The following GRIP1 variants were observed in gnomAD, a reference collection of about 807,000 sequenced individuals.
GRIP1 encodes glutamate receptor interacting protein 1.
A neutral mutation model predicts 129.9 loss-of-function variants in GRIP1; 45 were observed. The observed-to-expected ratio is 0.35, with a 90% CI of 0.27 to 0.44. The LOEUF (loss-of-function observed/expected upper bound fraction) is 0.44, where lower values mean the gene tolerates loss of function less well. Ranked by LOEUF, GRIP1 falls within the 20% of genes least tolerant of loss-of-function variation. GRIP1 has a pLI of 1.00. For missense variants in GRIP1, 1,196 were observed against 1,396.8 expected, an observed-to-expected ratio of 0.86 and a Z score of 2.29; for synonymous variants, 530 against 520.8, an observed-to-expected ratio of 1.02 and a Z score of -0.24.
At chr12:66,778,571 C>G (rs1335923969) in intron 1 of GRIP1, among the ~76,000 whole-genome samples, 2 of 152,106 alleles carry the variant, frequency 1.3e-5, no homozygotes, top group African/African-American at 2.4e-5. Flanking sequence ...ACCAAGCAAG[C>G]AGTAAGACAG....
chr12:66,846,464 C>G (rs1359113454), intron 1 of GRIP1, among the ~76,000 whole-genome samples: 1 of 152,190 alleles, frequency 6.6e-6, no homozygotes, highest in Non-Finnish European at 1.5e-5. Context: ...ATTTCTGCAT[C>G]CACCAGTTTC....
chr12:66,901,925 C>A (rs773647757), intron 1 of GRIP1, among the ~76,000 whole-genome samples: 3 of 152,188 alleles, frequency 2.0e-5, no homozygotes, highest in Non-Finnish European at 2.9e-5. Context: ...AATTATAATG[C>A]ATTCAGCAAC....
intron 1 of GRIP1, among the ~76,000 whole-genome samples, chr12:66,975,415 T>C (rs546556062): frequency 2.2e-3 from 329 of 152,298 alleles, no homozygotes; most frequent in Non-Finnish European, 2.6e-3. Flanking sequence ...GTATATGCAA[T>C]TACAAATGCA....
chr12:67,027,318 A>ACACC (rs1176634370), intron 1 of GRIP1, among the ~76,000 whole-genome samples: 5 of 152,196 alleles, frequency 3.3e-5, no homozygotes, highest in Admixed American at 1.3e-4. Flanking sequence ...TCCTATCACC[A>ACACC]CACGTGGTCA....
chr12:66,405,715 C>T (rs2057166756), intron 16 of GRIP1, among the ~76,000 whole-genome samples: 2 of 151,944 alleles, frequency 1.3e-5, no homozygotes, highest in Middle Eastern at 6.8e-3. Context: ...CATCCTGCTT[C>T]TAGGAATATT....
At chr12:66,538,963 G>T in intron 4 of GRIP1, 115 bp downstream of exon 4, 1 of 827,960 alleles carries the variant, frequency 1.2e-6, no homozygotes, top group Non-Finnish European at 2.0e-6. Flanking sequence ...TCATAAGTAT[G>T]TATGTATAGA....
At chr12:66,613,515 A>T (rs1383299338) in intron 1 of GRIP1, among the ~76,000 whole-genome samples, 1 of 152,218 alleles carries the variant, frequency 6.6e-6, no homozygotes, top group Non-Finnish European at 1.5e-5. Flanking sequence ...TACAATCTTT[A>T]CATAATAAGT....
intron 1 of GRIP1, among the ~76,000 whole-genome samples, chr12:66,640,320 T>C (rs1266138364): frequency 2.1e-4 from 32 of 152,200 alleles, no homozygotes. Context: ...CACATATTAG[T>C]TGCTGAATAA....
chr12:66,830,493 T>A (rs957793945), intron 1 of GRIP1, among the ~76,000 whole-genome samples: 1 of 152,100 alleles, frequency 6.6e-6, no homozygotes, highest in African/African-American at 2.4e-5. Flanking sequence ...GCAGGCAGCC[T>A]GGAAAAGCTG....
chr12:67,051,355 C>T (rs1215971174), intron 1 of GRIP1, among the ~76,000 whole-genome samples: 2 of 148,596 alleles, frequency 1.3e-5, no homozygotes, highest in Non-Finnish European at 3.0e-5. Context: ...TTTTAATGTC[C>T]ACTATGATAG....
At chr12:66,815,215 G>C (rs1223905688) in intron 1 of GRIP1, among the ~76,000 whole-genome samples, 1 of 152,150 alleles carries the variant, frequency 6.6e-6, no homozygotes, top group Non-Finnish European at 1.5e-5. Context: ...ATCTCATGAC[G>C]AGGTAGCACA....
At chr12:66,723,284 C>CTTCCT in intron 1 of GRIP1, among the ~76,000 whole-genome samples, 1 of 19,134 alleles carries the variant, frequency 5.2e-5, no homozygotes, top group Non-Finnish European at 7.6e-5. Context: ...TCCTTCCTTC[C>CTTCCT]TTTCTTTCTT....
intron 1 of GRIP1, among the ~76,000 whole-genome samples, chr12:66,845,175 G>T (rs534118680): frequency 4.6e-5 from 7 of 152,112 alleles, no homozygotes; most frequent in Non-Finnish European, 7.4e-5. Context: ...TCAATATAGG[G>T]TCTGGGCATG....
At chr12:66,568,615 C>T (rs143966510) in intron 2 of GRIP1, 100 of 184,898 alleles carry the variant, frequency 5.4e-4, no homozygotes, top group African/African-American at 1.6e-3. Context: ...TCAAGATTGA[C>T]GCAGATTCAG....
intron 1 of GRIP1, among the ~76,000 whole-genome samples, chr12:66,936,566 C>G (rs529432349): frequency 1.3e-3 from 205 of 152,114 alleles, no homozygotes; most frequent in African/African-American, 4.8e-3. Flanking sequence ...GCCCTAAGCA[C>G]AGTGCTTTCC....
At chr12:66,417,207 T>C (rs1051356522) in intron 15 of GRIP1, among the ~76,000 whole-genome samples, 1 of 152,122 alleles carries the variant, frequency 6.6e-6, no homozygotes, top group African/African-American at 2.4e-5. Flanking sequence ...TCATTTCTAT[T>C]GATGCTGAAA....
chr12:66,605,583 G>C (rs1028902452), intron 1 of GRIP1, among the ~76,000 whole-genome samples: 4 of 152,110 alleles, frequency 2.6e-5, no homozygotes, highest in African/African-American at 9.6e-5. Context: ...GAGCATTCCT[G>C]TGTATGTTTG....
At chr12:66,967,656 C>G (rs999187368) in intron 1 of GRIP1, among the ~76,000 whole-genome samples, 1 of 152,152 alleles carries the variant, frequency 6.6e-6, no homozygotes, top group Non-Finnish European at 1.5e-5. Flanking sequence ...AGACTACAGG[C>G]TATTCAAAAT....
At chr12:66,396,152 G>T (rs2056778990) in intron 16 of GRIP1, among the ~76,000 whole-genome samples, 1 of 152,146 alleles carries the variant, frequency 6.6e-6, no homozygotes, top group Admixed American at 6.5e-5. Flanking sequence ...ACTCTGTGTG[G>T]GCCATTCAGT....
Sources: allele counts gnomAD v4.1 joint callset (sites outside exome capture counted in the v4.1 genomes callset), GRCh38; gene constraint gnomAD v4.1.1; transcripts MANE v1.5; gene names NCBI Gene and HGNC (gene_info 2026-07-23, HGNC 2026-07-21).